SLIT1: variants seen among roughly 807,000 people sequenced by gnomAD.
The protein encoded by SLIT1 is slit guidance ligand 1.
SLIT1 carries 66 observed loss-of-function variants against 186.1 expected under a neutral mutation model. The ratio of observed to expected loss-of-function variants is 0.35; its 90% CI spans 0.29 to 0.44. The LOEUF (loss-of-function observed/expected upper bound fraction) is 0.44. SLIT1 is among the 20% of genes least tolerant of loss of function. SLIT1 has a pLI of 1.00. For missense variants in SLIT1, 1,638 were observed against 2,037.4 expected (o/e 0.80, Z 3.77); for synonymous variants, 761 against 833.8 (o/e 0.91, Z 1.50).
chr10:97,072,522 C>T, intron 4 of SLIT1, among the ~76,000 whole-genome samples: 1 of 151,274 alleles, frequency 6.6e-6, no homozygotes, highest in South Asian at 2.1e-4. Flanking sequence ...AGACACAGCC[C>T]CCAGGCAGGC....
intron 4 of SLIT1, among the ~76,000 whole-genome samples, chr10:97,066,322 C>G (rs1347162365): frequency 6.6e-6 from 1 of 152,218 alleles, no homozygotes; most frequent in Non-Finnish European, 1.5e-5. Context: ...AGCTCAGTCC[C>G]CAGCCACCTC....
rs147176625 is a variant in SLIT1 at position 97,167,540 on chromosome 10, C to T, written c.198-2650G>A. Among the ~76,000 whole-genome samples the T allele has an allele frequency of 2.8e-3, 427 of 152,264 alleles. 1 individual carries two copies. Among genetic ancestry groups the T allele is most frequent in the African/African-American group, 9.8e-3 (407 of 41,552 alleles). ...GTTGAATTCAGCACATCTGCAAAAC[C>T]GAATACCATGTGGCCATTTAAAATG... On this transcript the variant is annotated intron_variant, in intron 1 of 36. Coordinates refer to ENST00000266058, the MANE Select transcript of SLIT1 (RefSeq NM_003061.3).
intron 4 of SLIT1, among the ~76,000 whole-genome samples, chr10:97,120,554 C>T (rs1284906778): frequency 6.6e-6 from 1 of 152,228 alleles, no homozygotes; most frequent in African/African-American, 2.4e-5. Flanking sequence ...CTGCTTCACA[C>T]CGTGTGCACG....
intron 35 of SLIT1, 47 bp downstream of exon 35, chr10:97,002,657 G>A (rs999742995): frequency 2.7e-6 from 4 of 1,493,920 alleles, no homozygotes; most frequent in Non-Finnish European, 3.6e-6. Flanking sequence ...CCATGGGGAA[G>A]GAACAGGTAG....
At chr10:97,167,837 C>T (rs1030903621) in intron 1 of SLIT1, among the ~76,000 whole-genome samples, 1 of 152,176 alleles carries the variant, frequency 6.6e-6, no homozygotes, top group Non-Finnish European at 1.5e-5. Flanking sequence ...AAGGGCAGTT[C>T]TCCTGCACTT....
At chr10:97,113,711 C>A (rs966074735) in intron 4 of SLIT1, among the ~76,000 whole-genome samples, 1 of 152,036 alleles carries the variant, frequency 6.6e-6, no homozygotes, top group Admixed American at 6.6e-5. Flanking sequence ...CACCACCATG[C>A]CCAGCTAATT....
At chr10:97,056,241 G>T in intron 13 of SLIT1, 80 bp downstream of exon 13, 1 of 1,506,754 alleles carries the variant, frequency 6.6e-7, no homozygotes, top group Non-Finnish European at 9.1e-7. Context: ...GAGCCGGAGA[G>T]CTGCCTGTCC....
At chr10:97,132,741 G>A (rs1849665882) in intron 4 of SLIT1, among the ~76,000 whole-genome samples, 1 of 152,184 alleles carries the variant, frequency 6.6e-6, no homozygotes, top group Non-Finnish European at 1.5e-5. Flanking sequence ...CAGGACGCTG[G>A]AGTTTCCTGT....
At chr10:97,105,364 A>C (rs1447242686) in intron 4 of SLIT1, among the ~76,000 whole-genome samples, 3 of 152,208 alleles carry the variant, frequency 2.0e-5, no homozygotes, top group South Asian at 4.1e-4. Flanking sequence ...GCCACACTCA[A>C]GCTCTTGCGT....
Position 97,018,105 on chromosome 10 carries a change from C to A in SLIT1, c.2969+481G>T, listed in dbSNP as rs536469415. On this transcript the variant is annotated intron_variant, in intron 28 of 36. Coordinates refer to ENST00000266058, the MANE Select transcript of SLIT1 (RefSeq NM_003061.3). ...CTCGTGATCTGCCCACCTCGGCCTC[C>A]CAAAGTGTTGGGATTACAGGAGTGA... 3.9e-5 allele frequency among the ~76,000 whole-genome samples: 6 copies of A among 152,276 alleles called. No homozygotes were observed. In the East Asian group the frequency reaches 1.2e-3, roughly 29 times the overall value.
At chr10:97,072,972 T>G (rs989416972) in intron 4 of SLIT1, among the ~76,000 whole-genome samples, 3 of 152,240 alleles carry the variant, frequency 2.0e-5, no homozygotes, top group Non-Finnish European at 4.4e-5. Context: ...CGGGCTGTTG[T>G]CCCTGCCCGA....
Position 97,056,318 on chromosome 10 carries a change from C to T in SLIT1, c.1301+3G>A. On this transcript the variant is annotated splice_donor_region_variant and intron_variant, in intron 13 of 36. Coordinates refer to ENST00000266058, the MANE Select transcript of SLIT1 (RefSeq NM_003061.3). ...GAGAAGAAGAAGGCATCAGGGCACT[C>T]ACAGAGTCTGGATGGCCCGCAGGGA... 1 of 1,614,100 alleles carries T rather than the reference C, an allele frequency of 6.2e-7. No individual in the cohort carries two copies. The highest frequency in any genetic ancestry group is 8.5e-7 in the Non-Finnish European group (1 of 1,179,962).
intron 29 of SLIT1, 67 bp downstream of exon 29, chr10:97,013,952 A>C: frequency 6.3e-7 from 1 of 1,592,344 alleles, no homozygotes; most frequent in Non-Finnish European, 8.5e-7. Flanking sequence ...TCCACTCCCG[A>C]GCATGGGGGC....
At chr10:97,167,011 C>T (rs1396248812) in intron 1 of SLIT1, among the ~76,000 whole-genome samples, 1 of 152,130 alleles carries the variant, frequency 6.6e-6, no homozygotes, top group East Asian at 1.9e-4. Context: ...GTGGGCCTGG[C>T]TCCTGATCCT....
In SLIT1 at chr10:97,022,957, A is replaced by G. The variant is rs1256692605; in HGVS notation, c.2583-1544T>C. ...ATCTCATTGTGTCCAACTGTTCCGC[A>G]ATATCCCAGAGTGGATATCCCATGG... On this transcript the variant is annotated intron_variant, in intron 25 of 36. Transcript: ENST00000266058. The surrounding 1 kb of genome is among the most constrained non-coding windows in gnomAD (Gnocchi z 4.2). Among the ~76,000 whole-genome samples the G allele has an allele frequency of 6.6e-6, 1 of 152,202 alleles. No homozygotes were observed. Among genetic ancestry groups the G allele is most frequent in the Non-Finnish European group, 1.5e-5 (1 of 68,032 alleles).
At chr10:97,142,185 T>TAA (rs58455720) in intron 4 of SLIT1, among the ~76,000 whole-genome samples, 18 of 150,726 alleles carry the variant, frequency 1.2e-4, no homozygotes, top group South Asian at 2.1e-4. Flanking sequence ...TCTCTCTTCT[T>TAA]AAAAAAAAAC....
intron 31 of SLIT1, among the ~76,000 whole-genome samples, chr10:97,007,915 A>C (rs1045605726): frequency 2.0e-5 from 3 of 151,878 alleles, no homozygotes; most frequent in Non-Finnish European, 4.4e-5. Context: ...ATTTCTATTC[A>C]ATATTTTACT....
At chr10:97,095,609 T>G (rs753188667) in intron 4 of SLIT1, among the ~76,000 whole-genome samples, 1 of 152,208 alleles carries the variant, frequency 6.6e-6, no homozygotes, top group Non-Finnish European at 1.5e-5. Context: ...GATTGGTCCC[T>G]GAAGCTATTC....
chr10:97,101,854 T>C (rs984926745), intron 4 of SLIT1, among the ~76,000 whole-genome samples: 1 of 152,234 alleles, frequency 6.6e-6, no homozygotes, highest in African/African-American at 2.4e-5. Context: ...TCTCCCATGG[T>C]CTGATCACTG....
Sources: allele counts gnomAD v4.1 joint callset (sites outside exome capture counted in the v4.1 genomes callset), GRCh38; gene constraint gnomAD v4.1.1; non-coding constraint Gnocchi (gnomAD v3.1); transcripts MANE v1.5; gene names NCBI Gene and HGNC (gene_info 2026-07-23, HGNC 2026-07-21).